Variants in ZFAND3 observed in about 807,000 individuals in gnomAD.
ZFAND3 encodes zinc finger AN1-type containing 3, also known as AN1-type zinc finger protein 3.
Under a neutral mutation model 29.6 loss-of-function variants are expected in ZFAND3, and 10 were observed. The ratio of observed to expected loss-of-function variants is 0.34; its 90% CI spans 0.21 to 0.57. The LOEUF (loss-of-function observed/expected upper bound fraction) is 0.57. Among genes scored for constraint, ZFAND3 ranks in the 20% least tolerant of loss-of-function variants. The pLI, the probability that ZFAND3 is intolerant of heterozygous loss-of-function variation, is 0.86. For missense variants in ZFAND3, 230 were observed against 304.5 expected (o/e 0.76, Z 1.82); for synonymous variants, 128 against 112.6 (o/e 1.14, Z -0.87).
intron 4 of ZFAND3, among the ~76,000 whole-genome samples, chr6:38,096,712 TTCTC>T (rs1378027741): frequency 3.3e-5 from 5 of 152,142 alleles, no homozygotes; most frequent in African/African-American, 1.2e-4. Flanking sequence ...TTGATAATCT[TTCTC>T]TAATTCTTTT....
At chr6:37,855,388 G>A (rs942834841) in intron 1 of ZFAND3, among the ~76,000 whole-genome samples, 2 of 151,412 alleles carry the variant, frequency 1.3e-5, no homozygotes, top group Non-Finnish European at 2.9e-5. Context: ...CTGACCTCAG[G>A]TGATCCACTT....
At chr6:37,871,502 C>T (rs2127388204) in intron 1 of ZFAND3, among the ~76,000 whole-genome samples, 1 of 152,268 alleles carries the variant, frequency 6.6e-6, no homozygotes, top group Non-Finnish European at 1.5e-5. Flanking sequence ...TGGATTGGAT[C>T]CTGGGCCAGA....
chr6:37,900,460 A>G (rs953829214), intron 1 of ZFAND3, among the ~76,000 whole-genome samples: 2 of 152,178 alleles, frequency 1.3e-5, no homozygotes, highest in African/African-American at 4.8e-5. Flanking sequence ...TCAGTGTAAA[A>G]TTTTAATATC....
chr6:38,067,940 T>C lies in ZFAND3; in HGVS notation c.295+6165T>C, dbSNP rs747419075. Among the ~76,000 whole-genome samples, 5 of 152,138 alleles carry C rather than the reference T, an allele frequency of 3.3e-5. No homozygotes were observed. The South Asian group carries it at 6.2e-4, about 19-fold the overall frequency. On this transcript the variant is annotated intron_variant, in intron 3 of 5. Coordinates refer to ENST00000287218, the MANE Select transcript of ZFAND3 (RefSeq NM_021943.3). ...GCATATTGAATGGAAATGGAGGTGT[T>C]TGGGGGGTCATGGCTGGTCTGTCTC...
At chr6:37,858,560 T>C (rs1473272033) in intron 1 of ZFAND3, among the ~76,000 whole-genome samples, 1 of 152,222 alleles carries the variant, frequency 6.6e-6, no homozygotes, top group Non-Finnish European at 1.5e-5. Flanking sequence ...ACATTTACTT[T>C]GCAAATATAT....
chr6:37,826,312 A>T (rs1763758985), intron 1 of ZFAND3, among the ~76,000 whole-genome samples: 1 of 152,122 alleles, frequency 6.6e-6, no homozygotes, highest in Non-Finnish European at 1.5e-5. Flanking sequence ...CACTGATGTT[A>T]CTCAATTTTT....
chr6:37,872,606 G>A (rs1764714326), intron 1 of ZFAND3, among the ~76,000 whole-genome samples: 1 of 151,986 alleles, frequency 6.6e-6, no homozygotes, highest in Non-Finnish European at 1.5e-5. Flanking sequence ...GATTAGTTTT[G>A]CTTGTTACTG....
Position 37,819,856 on chromosome 6 carries a change from C to T in ZFAND3, c.-90C>T, listed in dbSNP as rs1316331019. 11 of 998,138 alleles carry T rather than the reference C, an allele frequency of 1.1e-5. No individual in the cohort carries two copies. Among genetic ancestry groups the T allele is most frequent in the Non-Finnish European group, 1.2e-5 (10 of 804,874 alleles). The allele number at this position is 998,138 out of a possible 1,614,324, so 61.8% of individuals were successfully genotyped here. A position where few individuals can be genotyped will look rare whatever the true frequency, so the allele number is the denominator to read the frequency against. On this transcript the variant is annotated 5_prime_UTR_variant, in exon 1 of 6. Transcript: ENST00000287218. ...CCCCCTCCCCCCGCCCCGAGCCCCC[C>T]GACGCCGCCGCCACCGCCTCCTCAG...
chr6:38,060,273 A>G (rs967494102), intron 2 of ZFAND3, among the ~76,000 whole-genome samples: 1 of 152,286 alleles, frequency 6.6e-6, no homozygotes, highest in African/African-American at 2.4e-5. Flanking sequence ...TTACTATTTT[A>G]TAATGATCCT....
intron 1 of ZFAND3, among the ~76,000 whole-genome samples, chr6:37,821,936 C>A (rs1763675593): frequency 6.6e-6 from 1 of 152,226 alleles, no homozygotes; most frequent in Non-Finnish European, 1.5e-5. Context: ...CGGGTTCAAG[C>A]AGTTCTCCTG....
intron 2 of ZFAND3, among the ~76,000 whole-genome samples, chr6:37,968,010 T>G (rs558575530): frequency 1.3e-5 from 2 of 152,362 alleles, no homozygotes; most frequent in South Asian, 4.1e-4. Flanking sequence ...ACAATTGCCC[T>G]GCTGGTAGGA....
chr6:37,909,975 TGTTTA>T (rs1419550800), intron 1 of ZFAND3, among the ~76,000 whole-genome samples: 4 of 152,238 alleles, frequency 2.6e-5, no homozygotes, highest in Non-Finnish European at 5.9e-5. Context: ...GCAACTTGAA[TGTTTA>T]GTTTAATTTA....
At chr6:38,105,726 G>C (rs909475741) in intron 4 of ZFAND3, among the ~76,000 whole-genome samples, 6 of 152,224 alleles carry the variant, frequency 3.9e-5, no homozygotes, top group Non-Finnish European at 8.8e-5. Context: ...GGGGGCATGG[G>C]ATCTCTCTGT....
chr6:37,953,487 C>G (rs1472125851), intron 2 of ZFAND3, among the ~76,000 whole-genome samples: 2 of 118,298 alleles, frequency 1.7e-5, no homozygotes, highest in African/African-American at 6.6e-5. Flanking sequence ...AGGTCTTGCT[C>G]TCTTGCTGAG....
intron 1 of ZFAND3, among the ~76,000 whole-genome samples, chr6:37,822,100 G>C (rs1416365478): frequency 1.3e-5 from 2 of 152,228 alleles, no homozygotes; most frequent in Non-Finnish European, 2.9e-5. Flanking sequence ...CTCCCAAAGT[G>C]CTGGGATTAC....
chr6:38,128,713 A>G (rs1170055234), intron 5 of ZFAND3, among the ~76,000 whole-genome samples: 2 of 152,142 alleles, frequency 1.3e-5, no homozygotes, highest in African/African-American at 4.8e-5. Context: ...ATGTATATAT[A>G]TACACCACAG....
chr6:38,122,282 T>A (rs1180428571), intron 5 of ZFAND3, among the ~76,000 whole-genome samples: 1 of 152,220 alleles, frequency 6.6e-6, no homozygotes, highest in East Asian at 1.9e-4. Context: ...ATCTCTAGAT[T>A]ACCTAGAATA....
intron 4 of ZFAND3, among the ~76,000 whole-genome samples, chr6:38,113,543 G>A (rs1051405019): frequency 5.9e-5 from 9 of 152,170 alleles, no homozygotes; most frequent in African/African-American, 1.9e-4. Flanking sequence ...GGTAAGATGG[G>A]GAATTAAGAG....
intron 1 of ZFAND3, among the ~76,000 whole-genome samples, chr6:37,822,175 T>C (rs1763679450): frequency 6.6e-6 from 1 of 152,176 alleles, no homozygotes; most frequent in South Asian, 2.1e-4. Context: ...ATAATGCCAA[T>C]AGAGTTTGGT....
Sources: gnomAD v4.1 joint callset for allele counts (sites outside exome capture counted in the v4.1 genomes callset) on GRCh38, gnomAD v4.1.1 for gene constraint, MANE v1.5 for transcripts, NCBI Gene and HGNC (gene_info 2026-07-23, HGNC 2026-07-21) for gene names.